PRKAG2: variants seen among roughly 807,000 people sequenced by gnomAD.
PRKAG2 encodes protein kinase AMP-activated non-catalytic subunit gamma 2, also known as 5'-AMP-activated protein kinase subunit gamma-2.
A neutral mutation model predicts 69.6 loss-of-function variants in PRKAG2; 26 were observed. The observed-to-expected ratio is 0.37, with a 90% CI of 0.27 to 0.52. The LOEUF is 0.52. PRKAG2 is among the 20% of genes least tolerant of loss of function. The pLI, the probability that PRKAG2 is intolerant of heterozygous loss-of-function variation, is 0.90. For synonymous variants in PRKAG2, 293 were observed against 285.0 expected, an observed-to-expected ratio of 1.03 and a Z score of -0.28; for missense variants, 557 against 740.0, an observed-to-expected ratio of 0.75 and a Z score of 2.87.
intron 3 of PRKAG2, among the ~76,000 whole-genome samples, chr7:151,694,535 A>G (rs756299075): frequency 2.0e-5 from 3 of 152,168 alleles, no homozygotes; most frequent in Non-Finnish European, 4.4e-5. Context: ...CATATGAGTA[A>G]AATCTGGCAG....
At chr7:151,743,523 A>G (rs778443932) in intron 3 of PRKAG2, among the ~76,000 whole-genome samples, 1 of 152,204 alleles carries the variant, frequency 6.6e-6, no homozygotes, top group Non-Finnish European at 1.5e-5. Flanking sequence ...CAACTCGAAA[A>G]AGAAAACAGT....
At chr7:151,648,861 C>T (rs1027662283) in intron 4 of PRKAG2, among the ~76,000 whole-genome samples, 1 of 151,744 alleles carries the variant, frequency 6.6e-6, no homozygotes, top group African/African-American at 2.4e-5. Flanking sequence ...CTTTAAAAAA[C>T]AGAAAGAAAG....
chr7:151,861,528 CAAAAAA>C (rs11406004), intron 1 of PRKAG2, among the ~76,000 whole-genome samples: 4 of 96,586 alleles, frequency 4.1e-5, no homozygotes, highest in African/African-American at 1.7e-4. Context: ...ACTCTGTCTC[CAAAAAA>C]AAAAAAAAAA....
rs770712465 is a variant in PRKAG2 at position 151,780,577 on chromosome 7, C to T, written c.466+575G>A. 6.6e-6 allele frequency among the ~76,000 whole-genome samples: 1 copy of T among 152,190 alleles called. No homozygotes were observed. The highest frequency in any genetic ancestry group is 1.5e-5 in the Non-Finnish European group (1 of 68,036). On this transcript the variant is annotated intron_variant, in intron 3 of 15. Transcript: ENST00000287878. This position sits in a 1 kb window ranked among gnomAD's most constrained non-coding sequence, Gnocchi z 4.2. Reference sequence around the variant, plus strand: ...TCCTCAGATCACAAACACTAATGAACCTACGGAACTCTTTCTTAAACACTC... The same window carrying T: ...TCCTCAGATCACAAACACTAATGAATCTACGGAACTCTTTCTTAAACACTC...
intron 1 of PRKAG2, among the ~76,000 whole-genome samples, chr7:151,790,883 C>T (rs933397504): frequency 6.6e-6 from 1 of 152,232 alleles, no homozygotes; most frequent in Non-Finnish European, 1.5e-5. Flanking sequence ...GGACTCACGT[C>T]AAGATGGTGT....
At chr7:151,644,177 CT>C in intron 4 of PRKAG2, among the ~76,000 whole-genome samples, 1 of 152,218 alleles carries the variant, frequency 6.6e-6, no homozygotes, top group African/African-American at 2.4e-5. Flanking sequence ...CAAATCTCCA[CT>C]AAATAACTTA....
At chr7:151,593,020 C>A (rs754949938) in intron 6 of PRKAG2, among the ~76,000 whole-genome samples, 3 of 152,232 alleles carry the variant, frequency 2.0e-5, no homozygotes, top group Non-Finnish European at 4.4e-5. Flanking sequence ...ATGCTCACAG[C>A]TCCTCTTAAT....
intron 3 of PRKAG2, among the ~76,000 whole-genome samples, chr7:151,691,846 GAATGC>G (rs1835716728): frequency 6.6e-6 from 1 of 152,204 alleles, no homozygotes; most frequent in Non-Finnish European, 1.5e-5. Context: ...ACAAAATCCT[GAATGC>G]AATGTTTTCA....
intron 3 of PRKAG2, among the ~76,000 whole-genome samples, chr7:151,683,597 G>A (rs1477709561): frequency 1.3e-5 from 2 of 152,226 alleles, no homozygotes; most frequent in African/African-American, 4.8e-5. Context: ...CATTGACACT[G>A]GAGGGAGGCT....
At position 151,700,390 on chromosome 7, in the gene PRKAG2, C is replaced by T. The variant is rs547212497; in HGVS notation, c.467-24753G>A. ...CCTCCAGGCCCCCACCCCAGACCTA[C>T]GGAGCCTGAATCTGCCCTTTGACAA... On this transcript the variant is annotated intron_variant, in intron 3 of 15. Transcript: ENST00000287878. Among the ~76,000 whole-genome samples, 9 of 151,810 alleles carry T rather than the reference C, an allele frequency of 5.9e-5. No individual in the cohort carries two copies. In the South Asian group the frequency reaches 6.2e-4, roughly 11 times the overall value.
At chr7:151,616,354 CCTCT>C (rs144961290) in intron 5 of PRKAG2, among the ~76,000 whole-genome samples, 1 of 152,084 alleles carries the variant, frequency 6.6e-6, no homozygotes, top group Non-Finnish European at 1.5e-5. Flanking sequence ...AAGTTAAACC[CCTCT>C]CTCTTTTATC....
chr7:151,601,953 G>A (rs1257424034), intron 5 of PRKAG2, among the ~76,000 whole-genome samples: 1 of 152,224 alleles, frequency 6.6e-6, no homozygotes, highest in Non-Finnish European at 1.5e-5. Context: ...GGAACGGATG[G>A]ACAGATGAAG....
rs55657994 is a variant in PRKAG2 at position 151,795,846 on chromosome 7, CATATATATATATATATATAT to C, written c.115-9325_115-9306del. On this transcript the variant is annotated intron_variant, in intron 1 of 15. Transcript: ENST00000287878. ...TGAGTCAATTCTTTCAAACAAATCT[CATATATATATATATATATAT>C]ATATATATATATATATATATATATC... Among the ~76,000 whole-genome samples the C allele has an allele frequency of 7.2e-4, 41 of 56,796 alleles. 2 individuals are homozygous for C. Among genetic ancestry groups the C allele is most frequent in the Admixed American group, 2.3e-3 (13 of 5,744 alleles). The allele number at this position is 56,796 out of a possible 152,430, so 37.3% of individuals were successfully genotyped here. A position where few individuals can be genotyped will look rare whatever the true frequency, so the allele number is the denominator to read the frequency against.
chr7:151,855,319 TC>T (rs139378667), intron 1 of PRKAG2, among the ~76,000 whole-genome samples: 1,944 of 2,418 alleles, frequency 0.8, 866 homozygotes, highest in African/African-American at 0.82. Context: ...CACACCACCC[TC>T]CCACACACCG....
rs1391182151 is a variant in PRKAG2 at position 151,737,337 on chromosome 7, T to C, written c.466+43815A>G. Among the ~76,000 whole-genome samples the C allele has an allele frequency of 5.5e-5, 6 of 109,108 alleles. No homozygotes were observed. In the East Asian group the frequency reaches 2.2e-3, roughly 40 times the overall value. 71.6% of individuals were successfully genotyped at this position (109,108 alleles called of 152,430 possible). A position where few individuals can be genotyped will look rare whatever the true frequency, so the allele number is the denominator to read the frequency against. On this transcript the variant is annotated intron_variant, in intron 3 of 15. Transcript: ENST00000287878. ...CCAGGGCAACACAGTGAGACCCCCA[T>C]CTCTATTAAAAAAAAAAAAAGAGAG...
intron 4 of PRKAG2, among the ~76,000 whole-genome samples, chr7:151,669,507 G>GT (rs1269006763): frequency 6.6e-6 from 1 of 152,094 alleles, no homozygotes; most frequent in African/African-American, 2.4e-5. Flanking sequence ...TTCAGAATCC[G>GT]TTTTTTTCGA....
At chr7:151,795,846 CATATATATATATATATAT>C (rs55657994) in intron 1 of PRKAG2, among the ~76,000 whole-genome samples, 52 of 56,798 alleles carry the variant, frequency 9.2e-4, no homozygotes, top group East Asian at 5.5e-3. Flanking sequence ...AAACAAATCT[CATATATATATATATATAT>C]ATATATATAT....
At chr7:151,594,958 C>G (rs1814099430) in intron 6 of PRKAG2, among the ~76,000 whole-genome samples, 2 of 152,082 alleles carry the variant, frequency 1.3e-5, no homozygotes, top group Admixed American at 6.6e-5. Context: ...ACCACCACAC[C>G]CGGTTAATTT....
chr7:151,559,629 G>A, intron 15 of PRKAG2: 2 of 985,048 alleles, frequency 2.0e-6, no homozygotes, highest in Non-Finnish European at 2.4e-6. Flanking sequence ...ATTCCTTTAG[G>A]GTAGGTATTT....
Sources: allele counts gnomAD v4.1 joint callset (sites outside exome capture counted in the v4.1 genomes callset), GRCh38; gene constraint gnomAD v4.1.1; non-coding constraint Gnocchi (gnomAD v3.1); transcripts MANE v1.5; gene names NCBI Gene and HGNC (gene_info 2026-07-23, HGNC 2026-07-21).